Variants in BAZ2B observed in about 807,000 individuals in gnomAD.
BAZ2B encodes bromodomain adjacent to zinc finger domain protein 2B.
In BAZ2B, 91 loss-of-function variants were observed where a neutral mutation model predicts 246.0. The observed-to-expected ratio is 0.37, with a 90% CI of 0.31 to 0.44. The LOEUF is 0.44. Among genes scored for constraint, BAZ2B ranks in the 20% least tolerant of loss-of-function variants. The pLI is 1.00. For missense variants in BAZ2B, 2,332 were observed against 2,533.7 expected (o/e 0.92, Z 1.71); for synonymous variants, 855 against 860.0 (o/e 0.99, Z 0.10).
At chr2:159,456,271 GTAGT>G (rs2075763763) in intron 3 of BAZ2B, among the ~76,000 whole-genome samples, 1 of 151,910 alleles carries the variant, frequency 6.6e-6, no homozygotes, top group Admixed American at 6.6e-5. Flanking sequence ...GTAATAATTG[GTAGT>G]AAGTAATAAA....
Position 159,349,902 on chromosome 2 carries a change from T to G in BAZ2B, c.4669A>C (p.Arg1557=). Residue 1557 remains arginine (R), a synonymous_variant, in exon 28 of 37, where the codon AGA becomes CGA. Transcript: ENST00000392783. ...QLLKTLTEKN[R]QWFSLLPRTP... is the part of the protein sequence containing the mutation. ...CGTGGCAAAAGACTAAACCATTGTC[T>G]ATTCTTTTCAGTCAGCGTTTTTAGT... is the stretch of plus-strand genomic sequence containing the variant. 6.2e-7 allele frequency: 1 copy of G among 1,614,204 alleles called. No homozygotes were observed. The highest frequency in any genetic ancestry group is 1.6e-4 in the Middle Eastern group (1 of 6,062).
intron 2 of BAZ2B, among the ~76,000 whole-genome samples, chr2:159,480,676 A>T (rs2079133805): frequency 6.6e-6 from 1 of 152,074 alleles, no homozygotes; most frequent in South Asian, 2.1e-4. Context: ...ATAAAATTTA[A>T]AACTGGCAAT....
At chr2:159,400,688 T>G (rs767679383) in intron 16 of BAZ2B, 24 bp from the exon 17 acceptor site, 13 of 1,312,546 alleles carry the variant, frequency 9.9e-6, no homozygotes, top group Non-Finnish European at 1.2e-5. Flanking sequence ...TATGATAACT[T>G]GAGATAATAA....
At chr2:159,409,687 ATGAAAAAGG>A (rs1381773484) in intron 14 of BAZ2B, among the ~76,000 whole-genome samples, 5 of 152,190 alleles carry the variant, frequency 3.3e-5, no homozygotes, top group Non-Finnish European at 7.4e-5. Flanking sequence ...GCTTTTAGAA[ATGAAAAAGG>A]TGATAAACTG....
chr2:159,614,893 T>C (rs1193696521), intron 1 of BAZ2B, among the ~76,000 whole-genome samples: 1 of 152,184 alleles, frequency 6.6e-6, no homozygotes, highest in African/African-American at 2.4e-5. Flanking sequence ...CTGGGCCCCC[T>C]GAACATTCCC....
At chr2:159,565,020 G>A (rs745541766) in intron 1 of BAZ2B, among the ~76,000 whole-genome samples, 7 of 152,024 alleles carry the variant, frequency 4.6e-5, no homozygotes, top group Non-Finnish European at 7.4e-5. Flanking sequence ...AGAAGTGTGC[G>A]CCACCACAAT....
At chr2:159,525,942 G>A (rs1045145867) in intron 2 of BAZ2B, among the ~76,000 whole-genome samples, 1 of 152,102 alleles carries the variant, frequency 6.6e-6, no homozygotes, top group Admixed American at 6.5e-5. Flanking sequence ...CTTTAAGGAG[G>A]ATGAATTGAA....
At chr2:159,442,998 A>T (rs1044666342) in intron 6 of BAZ2B, among the ~76,000 whole-genome samples, 1 of 152,210 alleles carries the variant, frequency 6.6e-6, no homozygotes, top group Admixed American at 6.5e-5. Flanking sequence ...GAGTATGGGT[A>T]TACAGATACC....
At chr2:159,662,653 T>C in the BAZ2B span, among the ~76,000 whole-genome samples, 1 of 151,854 alleles carries the variant, frequency 6.6e-6, no homozygotes, top group Non-Finnish European at 1.5e-5. Flanking sequence ...GCCTCCCGAG[T>C]AGCTGAGATT....
chr2:159,340,965 G>A (rs1188429280), intron 31 of BAZ2B, among the ~76,000 whole-genome samples: 3 of 151,964 alleles, frequency 2.0e-5, no homozygotes, highest in African/African-American at 7.2e-5. Context: ...AGGAACAAAG[G>A]ATTATACAAA....
intron 20 of BAZ2B, 69 bp downstream of exon 20, chr2:159,395,700 A>G: frequency 7.3e-7 from 1 of 1,361,988 alleles, no homozygotes; most frequent in Admixed American, 2.5e-5. Flanking sequence ...ATTTATATTT[A>G]GAAGAGCCAA....
chr2:159,405,534 T>C (rs1186867647), intron 14 of BAZ2B, among the ~76,000 whole-genome samples: 1 of 152,108 alleles, frequency 6.6e-6, no homozygotes, highest in Admixed American at 6.6e-5. Flanking sequence ...TTAAGAAAAT[T>C]GCCTAAGGTC....
At chr2:159,523,390 A>G (rs2084358199) in intron 2 of BAZ2B, among the ~76,000 whole-genome samples, 1 of 152,100 alleles carries the variant, frequency 6.6e-6, no homozygotes, top group South Asian at 2.1e-4. Context: ...TGACAGAGCA[A>G]GACCCTGTCT....
upstream of BAZ2B, among the ~76,000 whole-genome samples, chr2:159,619,993 ATTAACTC>A (rs1167913625): frequency 1.3e-5 from 2 of 152,352 alleles, no homozygotes; most frequent in East Asian, 3.9e-4. Flanking sequence ...TTAGTGAATA[ATTAACTC>A]TGAAATTCTA....
the BAZ2B span, among the ~76,000 whole-genome samples, chr2:159,625,416 G>A: frequency 6.6e-6 from 1 of 152,284 alleles, no homozygotes; most frequent in African/African-American, 2.4e-5. Context: ...AATGTTAAGG[G>A]CAGCCAGACA....
chr2:159,462,824 A>C (rs1172638340), intron 3 of BAZ2B: 2 of 1,540,942 alleles, frequency 1.3e-6, no homozygotes, highest in Non-Finnish European at 1.8e-6. Flanking sequence ...AGTTTTTAGC[A>C]TAAACAGTAC....
intron 13 of BAZ2B, 36 bp downstream of exon 13, chr2:159,427,905 T>C: frequency 1.3e-6 from 2 of 1,536,828 alleles, no homozygotes; most frequent in African/African-American, 1.4e-5. Flanking sequence ...GTACTACTTT[T>C]TGGTTCAAAG....
intron 27 of BAZ2B, among the ~76,000 whole-genome samples, chr2:159,367,217 C>G (rs1481195855): frequency 1.3e-5 from 2 of 152,164 alleles, no homozygotes; most frequent in Non-Finnish European, 2.9e-5. Context: ...GAAGGCAGAG[C>G]CTTCTCTTTG....
intron 1 of BAZ2B, among the ~76,000 whole-genome samples, chr2:159,564,184 C>T (rs1041292972): frequency 2.6e-5 from 4 of 152,094 alleles, no homozygotes; most frequent in Admixed American, 6.6e-5. Context: ...AAGGAACATT[C>T]CAGATAGAAC....
Sources: allele counts gnomAD v4.1 joint callset (sites outside exome capture counted in the v4.1 genomes callset), GRCh38; gene constraint gnomAD v4.1.1; transcripts MANE v1.5; gene names NCBI Gene and HGNC (gene_info 2026-07-23, HGNC 2026-07-21).